Variants in CDH18 observed in about 807,000 individuals in gnomAD.
CDH18 encodes the protein cadherin-18.
Under a neutral mutation model 67.9 loss-of-function variants are expected in CDH18, and 31 were observed. That is an observed-to-expected ratio of 0.46 (90% CI 0.34 to 0.62). CDH18 has a LOEUF of 0.62. CDH18 is among the 20% of genes least tolerant of loss of function. The pLI is 0.01. For missense variants in CDH18, 890 were observed against 975.5 expected (o/e 0.91, Z 1.17); for synonymous variants, 362 against 347.2 (o/e 1.04, Z -0.48).
At chr5:20,406,893 GA>G (rs1460780136) in intron 1 of CDH18, among the ~76,000 whole-genome samples, 1 of 152,142 alleles carries the variant, frequency 6.6e-6, no homozygotes, top group African/African-American at 2.4e-5. Context: ...AAACTGGTAG[GA>G]AAATTGGAAG....
At chr5:19,675,450 A>T (rs1162272082) in intron 5 of CDH18, among the ~76,000 whole-genome samples, 1 of 152,062 alleles carries the variant, frequency 6.6e-6, no homozygotes, top group Non-Finnish European at 1.5e-5. Context: ...GCCATTTCAG[A>T]GGCCTCCCCT....
At chr5:20,303,728 G>A (rs531092398) in intron 1 of CDH18, among the ~76,000 whole-genome samples, 1 of 152,112 alleles carries the variant, frequency 6.6e-6, no homozygotes, top group East Asian at 1.9e-4. Context: ...AGAGCCTTTG[G>A]GAAAGCGAAT....
chr5:20,327,206 G>A (rs1451849930), intron 1 of CDH18, among the ~76,000 whole-genome samples: 1 of 152,030 alleles, frequency 6.6e-6, no homozygotes, highest in Non-Finnish European at 1.5e-5. Flanking sequence ...GTTCAGCTTG[G>A]GAACTGAGTC....
At chr5:20,201,376 T>C (rs1293826284) in intron 2 of CDH18, among the ~76,000 whole-genome samples, 3 of 152,158 alleles carry the variant, frequency 2.0e-5, no homozygotes, top group Admixed American at 6.5e-5. Flanking sequence ...TTCCTATTTA[T>C]GGATGGTTAG....
intron 2 of CDH18, among the ~76,000 whole-genome samples, chr5:20,091,205 G>T (rs1745387992): frequency 6.6e-6 from 1 of 152,018 alleles, no homozygotes; most frequent in African/African-American, 2.4e-5. Flanking sequence ...ACATTTTAAG[G>T]CCAGGCACAG....
intron 2 of CDH18, among the ~76,000 whole-genome samples, chr5:19,843,926 T>C (rs1782628806): frequency 6.6e-6 from 1 of 152,192 alleles, no homozygotes; most frequent in African/African-American, 2.4e-5. Context: ...TTTCTCCCAT[T>C]GGAGAAGAAT....
At chr5:20,089,487 G>GA in intron 2 of CDH18, among the ~76,000 whole-genome samples, 1 of 151,962 alleles carries the variant, frequency 6.6e-6, no homozygotes, top group Non-Finnish European at 1.5e-5. Context: ...TTTTGTTTTA[G>GA]AAAATCAATA....
chr5:20,349,524 T>A (rs1323666263), intron 1 of CDH18, among the ~76,000 whole-genome samples: 1 of 152,120 alleles, frequency 6.6e-6, no homozygotes, highest in Admixed American at 6.6e-5. Context: ...AAAGTTCAAA[T>A]GCACAGATAA....
chr5:20,393,884 C>T (rs1745071818), intron 1 of CDH18, among the ~76,000 whole-genome samples: 1 of 151,846 alleles, frequency 6.6e-6, no homozygotes, highest in Admixed American at 6.6e-5. Context: ...AACTATGAAA[C>T]ACTGCTGAAA....
chr5:19,685,038 C>A (rs1760880489), intron 5 of CDH18, among the ~76,000 whole-genome samples: 2 of 152,086 alleles, frequency 1.3e-5, no homozygotes, highest in Non-Finnish European at 2.9e-5. Context: ...TAACCTGAAA[C>A]AACTGATGGG....
chr5:20,159,847 C>T (rs1278328387), intron 2 of CDH18, among the ~76,000 whole-genome samples: 1 of 152,112 alleles, frequency 6.6e-6, no homozygotes, highest in Non-Finnish European at 1.5e-5. Context: ...CAAGGCAAGC[C>T]TACTGCAATG....
intron 5 of CDH18, among the ~76,000 whole-genome samples, chr5:19,616,263 G>T (rs1428595074): frequency 1.3e-5 from 2 of 151,732 alleles, no homozygotes; most frequent in Admixed American, 6.6e-5. Context: ...TATATATTAT[G>T]AGTAAACACA....
intron 6 of CDH18, among the ~76,000 whole-genome samples, chr5:19,595,382 A>T (rs1746008181): frequency 6.6e-6 from 1 of 152,182 alleles, no homozygotes; most frequent in African/African-American, 2.4e-5. Flanking sequence ...ATGGTTTAAA[A>T]TATTTATTTG....
At chr5:20,248,450 C>A (rs1451616524) in intron 2 of CDH18, among the ~76,000 whole-genome samples, 1 of 152,170 alleles carries the variant, frequency 6.6e-6, no homozygotes, top group Admixed American at 6.5e-5. Flanking sequence ...ATCCAAGACA[C>A]AAGCACAAAT....
chr5:19,593,707 C>CCTCCTCCTCCTTCTTCTGCTTCTTCTT, intron 6 of CDH18, among the ~76,000 whole-genome samples: 2 of 33,384 alleles, frequency 6.0e-5, no homozygotes, highest in Admixed American at 3.5e-4. Flanking sequence ...TCCTCCTCCT[C>CCTCCTCCTCCTTCTTCTGCTTCTTCTT]CTTCTTCTTC....
chr5:20,164,209 A>T (rs1409250751), intron 2 of CDH18, among the ~76,000 whole-genome samples: 1 of 152,208 alleles, frequency 6.6e-6, no homozygotes, highest in Non-Finnish European at 1.5e-5. Flanking sequence ...GCAACATAAG[A>T]CAGACATTTT....
chr5:20,492,727 TTAGAA>T (rs1233235368), intron 1 of CDH18, among the ~76,000 whole-genome samples: 1 of 152,218 alleles, frequency 6.6e-6, no homozygotes, highest in Non-Finnish European at 1.5e-5. Context: ...CATACTCATA[TTAGAA>T]TACTGTATAT....
intron 1 of CDH18, among the ~76,000 whole-genome samples, chr5:20,557,384 A>G (rs1223583292): frequency 6.6e-6 from 1 of 152,108 alleles, no homozygotes; most frequent in Non-Finnish European, 1.5e-5. Context: ...TAGTGGAAAA[A>G]ATAAATAAAA....
intron 2 of CDH18, among the ~76,000 whole-genome samples, chr5:20,253,750 C>A (rs1744031570): frequency 6.6e-6 from 1 of 152,210 alleles, no homozygotes; most frequent in South Asian, 2.1e-4. Flanking sequence ...TGGGATTATA[C>A]AAAGAGAACA....
Sources: allele counts gnomAD v4.1 joint callset (sites outside exome capture counted in the v4.1 genomes callset), GRCh38; gene constraint gnomAD v4.1.1; transcripts MANE v1.5; gene names NCBI Gene and HGNC (gene_info 2026-07-23, HGNC 2026-07-21).